Variants in MTMR7 observed in about 807,000 individuals in gnomAD.
MTMR7 encodes the protein phosphatidylinositol-3-phosphate phosphatase MTMR7.
A neutral mutation model predicts 81.2 loss-of-function variants in MTMR7; 76 were observed. The ratio of observed to expected loss-of-function variants is 0.94; its 90% CI spans 0.78 to 1.13. MTMR7 has a LOEUF of 1.13. Among genes scored for constraint, MTMR7 ranks in the 50% most tolerant of loss-of-function variants. The probability of loss-of-function intolerance (pLI) is 0.00; values close to 1 mark genes in which losing one functional copy is unlikely to be tolerated. For synonymous variants in MTMR7, 372 were observed against 289.8 expected, an observed-to-expected ratio of 1.28 and a Z score of -2.88; for missense variants, 1,044 against 820.0, an observed-to-expected ratio of 1.27 and a Z score of -3.34.
Position 17,348,990 on chromosome 8 carries a change from C to G in MTMR7, c.560G>C (p.Arg187Pro). 1 of 1,613,498 alleles carries G rather than the reference C, an allele frequency of 6.2e-7. No individual in the cohort carries two copies. Among genetic ancestry groups the G allele is most frequent in the African/African-American group, 1.3e-5 (1 of 74,762 alleles). The change falls in exon 5 of 14, where the codon CGA becomes CCA. Residue 187 changes from arginine to proline, a missense_variant. By Grantham distance (103) the Arg-to-Pro change is moderately radical (BLOSUM62 -2). Transcript: ENST00000180173. ...VGSSKFRSRRRFPVLSYYYKD... is the reference protein window; with the variant it reads ...VGSSKFRSRRPFPVLSYYYKD... ...ATAATAGTAAGAAAGGACAGGAAAT[C>G]GCCGTCTACTCCGGAATTTGGAACT...
chr8:17,302,296 A>G lies in MTMR7; in HGVS notation c.1494-16T>C, dbSNP rs774878083. On this transcript the variant is annotated splice_polypyrimidine_tract_variant and intron_variant, in intron 12 of 13. Coordinates refer to ENST00000180173, the MANE Select transcript of MTMR7 (RefSeq NM_004686.5). ...ACTCCAAAACCTGGAAAGGATGGCA[A>G]AGCGTCGTGATACCACCTTATCACA... is the stretch of plus-strand genomic sequence containing the variant. 2.5e-6 allele frequency: 4 copies of G among 1,611,672 alleles called. No individual in the cohort carries two copies. Among genetic ancestry groups the G allele is most frequent in the African/African-American group, 1.3e-5 (1 of 74,760 alleles).
chr8:17,400,510 C>T (rs914666534), intron 1 of MTMR7, among the ~76,000 whole-genome samples: 3 of 152,150 alleles, frequency 2.0e-5, no homozygotes, highest in Non-Finnish European at 2.9e-5. Flanking sequence ...ATCTCCAGGC[C>T]CTCTGGAGTC....
intron 1 of MTMR7, among the ~76,000 whole-genome samples, chr8:17,390,648 G>C (rs529260592): frequency 7.2e-5 from 11 of 152,142 alleles, no homozygotes; most frequent in African/African-American, 1.4e-4. Context: ...ATAAAGGAAA[G>C]AGGTTTAATT....
intron 10 of MTMR7, 73 bp downstream of exon 10, chr8:17,309,204 A>C (rs1287093401): frequency 2.9e-6 from 3 of 1,050,444 alleles, no homozygotes; most frequent in African/African-American, 3.2e-5. Context: ...ATTTTCCCCT[A>C]AATATTCAAT....
intron 3 of MTMR7, among the ~76,000 whole-genome samples, chr8:17,370,218 AATT>A (rs1294288785): frequency 6.6e-6 from 1 of 151,980 alleles, no homozygotes; most frequent in Non-Finnish European, 1.5e-5. Context: ...GGAAAAAATA[AATT>A]ATTATCAAAA....
chr8:17,303,750 C>T (rs1338697934), intron 12 of MTMR7, among the ~76,000 whole-genome samples: 1 of 152,066 alleles, frequency 6.6e-6, no homozygotes, highest in African/African-American at 2.4e-5. Context: ...GCTAGGATTA[C>T]AGGCGCTCAC....
chr8:17,305,835 A>G lies in MTMR7; in HGVS notation c.1274T>C (p.Ile425Thr). 6.2e-7 allele frequency: 1 copy of G among 1,613,746 alleles called. No homozygotes were observed. The highest frequency in any genetic ancestry group is 8.5e-7 in the Non-Finnish European group (1 of 1,179,714). ...CAFEFNERFL[I>T]HIQHHIYSCQ... Reference sequence around the variant, plus strand: ...GGAATAAATGTGATGTTGAATGTGAATCAAAAACCTCTCATTGAACTCAAA... The same window carrying G: ...GGAATAAATGTGATGTTGAATGTGAGTCAAAAACCTCTCATTGAACTCAAA... The change falls in exon 11 of 14, where the codon ATT becomes ACT. Residue 425 changes from isoleucine to threonine, a missense_variant. Coordinates refer to ENST00000180173, the MANE Select transcript of MTMR7 (RefSeq NM_004686.5).
At chr8:17,309,146 A>G in intron 10 of MTMR7, 131 bp downstream of exon 10, 1 of 654,480 alleles carries the variant, frequency 1.5e-6, no homozygotes, top group Non-Finnish European at 2.7e-6. Flanking sequence ...CATATACAAC[A>G]AAATTTAAGC....
chr8:17,332,986 A>T (rs988744607), intron 6 of MTMR7, among the ~76,000 whole-genome samples: 7 of 152,196 alleles, frequency 4.6e-5, no homozygotes, highest in Admixed American at 2.0e-4. Context: ...TACCGAGAGC[A>T]TATATGAAGT....
At chr8:17,342,936 G>A (rs1207868676) in intron 5 of MTMR7, among the ~76,000 whole-genome samples, 1 of 151,960 alleles carries the variant, frequency 6.6e-6, no homozygotes, top group Non-Finnish European at 1.5e-5. Context: ...AGTGAAGATG[G>A]GGATCAAGAG....
intron 1 of MTMR7, among the ~76,000 whole-genome samples, chr8:17,404,330 T>A (rs373755057): frequency 7.2e-5 from 11 of 151,866 alleles, no homozygotes; most frequent in Non-Finnish European, 1.5e-4. Context: ...ATCGCCGAGA[T>A]TGGAAAGAGT....
At chr8:17,309,829 T>C (rs1817686954) in intron 9 of MTMR7, among the ~76,000 whole-genome samples, 1 of 152,138 alleles carries the variant, frequency 6.6e-6, no homozygotes, top group Admixed American at 6.6e-5. Flanking sequence ...TGGGAAGTTT[T>C]TCAGTGATCT....
At chr8:17,343,338 G>A (rs1468948476) in intron 5 of MTMR7, among the ~76,000 whole-genome samples, 1 of 152,080 alleles carries the variant, frequency 6.6e-6, no homozygotes, top group Non-Finnish European at 1.5e-5. Context: ...GCTGAGGCAG[G>A]AGAATCACTT....
chr8:17,351,134 C>G (rs1819717002), intron 4 of MTMR7, among the ~76,000 whole-genome samples: 1 of 152,180 alleles, frequency 6.6e-6, no homozygotes, highest in African/African-American at 2.4e-5. Flanking sequence ...CAACATTTTC[C>G]TAAAATAACA....
intron 1 of MTMR7, 71 bp downstream of exon 1, chr8:17,413,198 G>A (rs1257651716): frequency 6.6e-7 from 1 of 1,509,924 alleles, no homozygotes; most frequent in Non-Finnish European, 9.0e-7. Flanking sequence ...GGCCTCCCGC[G>A]CGCTCAGCAT....
intron 1 of MTMR7, among the ~76,000 whole-genome samples, chr8:17,380,400 T>C (rs1241559191): frequency 6.6e-6 from 1 of 152,138 alleles, no homozygotes; most frequent in Non-Finnish European, 1.5e-5. Flanking sequence ...ATTTCATAGT[T>C]CTGTTGAACT....
Position 17,305,891 on chromosome 8 carries a change from A to T in MTMR7, c.1218T>A (p.Val406=). Residue 406 remains valine (V), a synonymous_variant, in exon 11 of 14, where the codon GTT becomes GTA. Coordinates refer to ENST00000180173, the MANE Select transcript of MTMR7 (RefSeq NM_004686.5). The stretch of plus-strand genomic sequence containing the variant: ...AGGGAAATTGTTCCATTAACTGCCA[A>T]ACACACTCAATGAACTGGTCAATAA... ...SPVIDQFIEC[V]WQLMEQFPCA... is the part of the protein sequence containing the mutation. 6.2e-7 allele frequency: 1 copy of T among 1,613,796 alleles called. No homozygotes were observed. The highest frequency in any genetic ancestry group is 8.5e-7 in the Non-Finnish European group (1 of 1,179,762).
intron 1 of MTMR7, among the ~76,000 whole-genome samples, chr8:17,380,961 A>G (rs1820739266): frequency 6.6e-6 from 1 of 152,190 alleles, no homozygotes; most frequent in South Asian, 2.1e-4. Context: ...GAGCCCAAAG[A>G]TTGACACTAG....
intron 1 of MTMR7, among the ~76,000 whole-genome samples, chr8:17,382,428 G>T (rs1214343783): frequency 6.6e-6 from 1 of 152,162 alleles, no homozygotes; most frequent in East Asian, 1.9e-4. Flanking sequence ...AGAGCACTTG[G>T]TAACATTTCC....
Sources: allele counts gnomAD v4.1 joint callset (sites outside exome capture counted in the v4.1 genomes callset), GRCh38; gene constraint gnomAD v4.1.1; transcripts MANE v1.5; gene names NCBI Gene and HGNC (gene_info 2026-07-23, HGNC 2026-07-21).